Variants in SMG6 observed in about 807,000 individuals in gnomAD.
SMG6 encodes the protein telomerase-binding protein EST1A.
A neutral mutation model predicts 142.2 loss-of-function variants in SMG6; 66 were observed. The observed-to-expected ratio is 0.46, with a 90% CI of 0.38 to 0.57. The LOEUF (loss-of-function observed/expected upper bound fraction) is 0.57. Among genes scored for constraint, SMG6 ranks in the 20% least tolerant of loss-of-function variants. The probability of loss-of-function intolerance (pLI) is 0.00; values close to 1 mark genes in which losing one functional copy is unlikely to be tolerated. For synonymous variants in SMG6, 779 were observed against 702.4 expected (o/e 1.11, Z -1.72); for missense variants, 1,793 against 1,832.0 (o/e 0.98, Z 0.39).
chr17:2,244,890 C>T lies in SMG6; in HGVS notation c.2662-171G>A, dbSNP rs2073894488. 2.3e-5 allele frequency: 14 copies of T among 603,978 alleles called. No individual in the cohort carries two copies. In the South Asian group the frequency reaches 2.6e-4, roughly 11 times the overall value. 37.4% of individuals were successfully genotyped at this position (603,978 alleles called of 1,614,324 possible). On this transcript the variant is annotated intron_variant, in intron 8 of 18. Coordinates refer to ENST00000263073, the MANE Select transcript of SMG6 (RefSeq NM_017575.5). ...TCACAGACCCAGGGCACATGCCCAA[C>T]AGCTGCCGCTCAGCTGAGCCAAGAT...
chr17:2,242,890 C>T (rs186295861), intron 9 of SMG6, among the ~76,000 whole-genome samples: 35 of 152,168 alleles, frequency 2.3e-4, no homozygotes, highest in African/African-American at 7.7e-4. Flanking sequence ...CTACAGTAAC[C>T]TACTAGAATA....
At chr17:2,160,149 T>C (rs2071130549) in intron 13 of SMG6, among the ~76,000 whole-genome samples, 1 of 152,206 alleles carries the variant, frequency 6.6e-6, no homozygotes, top group African/African-American at 2.4e-5. Context: ...CATTCAAATG[T>C]ATACCTTTCA....
Position 2,188,403 on chromosome 17 carries a change from G to C in SMG6, c.2982C>G (p.Ala994=). The change falls in exon 11 of 19, where the codon GCC becomes GCG. Residue 994 remains alanine (A), a synonymous_variant. Transcript: ENST00000263073. ...RRCTCLLKES[A]KAQLSSPEDQ... is the part of the protein sequence containing the mutation. ...CTGGGGACTCCTCCTGCTTACCTTT[G>C]GCGGACTCCTTAAGTAAGCAGGTGC... The C allele has an allele frequency of 6.2e-7, 1 of 1,613,890 alleles. No individual in the cohort carries two copies. The highest frequency in any genetic ancestry group is 8.5e-7 in the Non-Finnish European group (1 of 1,179,866).
chr17:2,124,115 G>A (rs962087313), intron 13 of SMG6, among the ~76,000 whole-genome samples: 4 of 152,204 alleles, frequency 2.6e-5, no homozygotes, highest in Admixed American at 6.5e-5. Flanking sequence ...AGAGAGAGAG[G>A]AGAGCTGAGC....
chr17:2,232,362 C>G (rs571000698), intron 10 of SMG6, among the ~76,000 whole-genome samples: 1 of 152,268 alleles, frequency 6.6e-6, no homozygotes, highest in East Asian at 1.9e-4. Flanking sequence ...AAAGCCCTTC[C>G]TCGCTTCAGG....
At chr17:2,263,951 G>C (rs1263042941) in intron 8 of SMG6, among the ~76,000 whole-genome samples, 1 of 152,164 alleles carries the variant, frequency 6.6e-6, no homozygotes, top group Non-Finnish European at 1.5e-5. Flanking sequence ...AGCTCCCCAA[G>C]AGAACAGTCA....
chr17:2,124,722 C>A (rs1007288222), intron 13 of SMG6, among the ~76,000 whole-genome samples: 2 of 152,198 alleles, frequency 1.3e-5, no homozygotes, highest in Admixed American at 1.3e-4. Flanking sequence ...ACTAAGGACA[C>A]AGGTCTTCCG....
intron 10 of SMG6, among the ~76,000 whole-genome samples, chr17:2,235,325 C>G (rs144623513): frequency 7.0e-4 from 106 of 152,282 alleles, no homozygotes; most frequent in African/African-American, 2.5e-3. Flanking sequence ...CTCTAGGATT[C>G]AGAAGTAACT....
chr17:2,277,170 TTA>T (rs1491043568), intron 8 of SMG6, among the ~76,000 whole-genome samples: 2,375 of 65,526 alleles, frequency 0.036, 124 homozygotes, highest in African/African-American at 0.061. Flanking sequence ...TATTTATTTT[TTA>T]TTTTTTTTTT....
chr17:2,248,925 C>T (rs1421040207), intron 8 of SMG6, among the ~76,000 whole-genome samples: 3 of 150,938 alleles, frequency 2.0e-5, no homozygotes, highest in African/African-American at 4.9e-5. Context: ...CTTGCTCTTT[C>T]ACCCAGGCTG....
At chr17:2,215,231 G>A (rs749026374) in intron 10 of SMG6, among the ~76,000 whole-genome samples, 27 of 151,686 alleles carry the variant, frequency 1.8e-4, no homozygotes, top group South Asian at 1.0e-3. Context: ...ACACGCGCGC[G>A]CACACACACA....
intron 13 of SMG6, among the ~76,000 whole-genome samples, chr17:2,136,014 G>GTC (rs1426236030): frequency 6.7e-6 from 1 of 150,302 alleles, no homozygotes; most frequent in Non-Finnish European, 1.5e-5. Flanking sequence ...GTGTGTGTGT[G>GTC]TGTGTGTGTG....
At chr17:2,088,392 T>G in intron 13 of SMG6, 1 of 985,396 alleles carries the variant, frequency 1.0e-6, no homozygotes, top group Non-Finnish European at 1.2e-6. Context: ...GAATTGCCTA[T>G]TCCATGGACA....
chr17:2,096,944 G>A (rs1158512165), intron 13 of SMG6, among the ~76,000 whole-genome samples: 1 of 152,062 alleles, frequency 6.6e-6, no homozygotes, highest in Non-Finnish European at 1.5e-5. Context: ...CTCAACATCT[G>A]CACTACTTGT....
chr17:2,070,899 A>G (rs1267176373), intron 15 of SMG6, among the ~76,000 whole-genome samples: 1 of 152,180 alleles, frequency 6.6e-6, no homozygotes, highest in African/African-American at 2.4e-5. Context: ...TTGTAAGAAC[A>G]GGAAATGGTC....
intron 15 of SMG6, among the ~76,000 whole-genome samples, chr17:2,074,688 C>T (rs2068207444): frequency 6.6e-6 from 1 of 152,236 alleles, no homozygotes; most frequent in Non-Finnish European, 1.5e-5. Flanking sequence ...TTTCCATTGT[C>T]ATACCTCCCA....
chr17:2,233,033 T>C (rs1215644224), intron 10 of SMG6: 6 of 152,240 alleles, frequency 3.9e-5, no homozygotes, highest in Admixed American at 3.9e-4. Flanking sequence ...ATTACTGATA[T>C]TGCAGAAAGA....
chr17:2,109,676 C>T (rs191166873), intron 13 of SMG6, among the ~76,000 whole-genome samples: 55 of 152,278 alleles, frequency 3.6e-4, no homozygotes, highest in African/African-American at 9.6e-4. Context: ...CATATAGACA[C>T]GCAAACCATT....
chr17:2,078,282 G>C (rs1194335050), intron 15 of SMG6, among the ~76,000 whole-genome samples: 2 of 152,074 alleles, frequency 1.3e-5, no homozygotes, highest in Admixed American at 6.5e-5. Context: ...ATAAATGTGT[G>C]AATAAATAGT....
Sources: allele counts gnomAD v4.1 joint callset (sites outside exome capture counted in the v4.1 genomes callset), GRCh38; gene constraint gnomAD v4.1.1; transcripts MANE v1.5; gene names NCBI Gene and HGNC (gene_info 2026-07-23, HGNC 2026-07-21).